ARID1B: variants seen among roughly 807,000 people sequenced by gnomAD.
ARID1B encodes the protein AT-rich interactive domain-containing protein 1B.
A neutral mutation model predicts 212.3 loss-of-function variants in ARID1B; 30 were observed. The ratio of observed to expected loss-of-function variants is 0.14; its 90% CI spans 0.11 to 0.19. The LOEUF (loss-of-function observed/expected upper bound fraction) is 0.19, where lower values mean the gene tolerates loss of function less well. ARID1B is among the 10% of genes least tolerant of loss of function. ARID1B has a pLI of 1.00. For missense variants in ARID1B, 2,891 were observed against 3,204.0 expected (o/e 0.90, Z 2.36); for synonymous variants, 1,402 against 1,301.7 (o/e 1.08, Z -1.66).
At chr6:157,180,888 G>T in intron 11 of ARID1B, 81 bp from the exon 12 acceptor site, 1 of 1,163,904 alleles carries the variant, frequency 8.6e-7, no homozygotes. Context: ...GTATTTGTTA[G>T]CTCATTACTT....
Position 156,779,392 on chromosome 6 carries a change from C to G in ARID1B, c.1712C>G (p.Pro571Arg), listed in dbSNP as rs769085274. 7.5e-5 allele frequency: 107 copies of G among 1,420,918 alleles called. No homozygotes were observed. Among genetic ancestry groups the G allele is most frequent in the Non-Finnish European group, 9.7e-5 (105 of 1,082,162 alleles). 88.0% of individuals were successfully genotyped at this position (1,420,918 alleles called of 1,614,324 possible). A position where few individuals can be genotyped will look rare whatever the true frequency, so the allele number is the denominator to read the frequency against. ...DMGAQYAAAS[P>R]AWAAAQQRSH... Reference sequence around the variant, plus strand: ...GGCGCCCAGTACGCCGCTGCCAGCCCGGCCTGGGCGGCCGCGCAACAAAGG... The same window carrying G: ...GGCGCCCAGTACGCCGCTGCCAGCCGGGCCTGGGCGGCCGCGCAACAAAGG... Residue 571 changes from proline (P) to arginine (R), a missense_variant, in exon 1 of 20, where the codon CCG becomes CGG. Coordinates refer to ENST00000636930, the MANE Select transcript of ARID1B (RefSeq NM_001374828.1).
intron 3 of ARID1B, among the ~76,000 whole-genome samples, chr6:156,910,495 A>G (rs1789783917): frequency 6.6e-6 from 1 of 151,918 alleles, no homozygotes. Context: ...CCTGTTCTCG[A>G]ATAGTTGTCA....
chr6:157,020,290 G>T (rs1476228875), intron 4 of ARID1B, among the ~76,000 whole-genome samples: 3 of 152,112 alleles, frequency 2.0e-5, no homozygotes, highest in Non-Finnish European at 2.9e-5. Context: ...TAACCTTGTA[G>T]ATAACATCAT....
At chr6:156,858,528 G>A (rs1326268915) in intron 2 of ARID1B, among the ~76,000 whole-genome samples, 1 of 152,190 alleles carries the variant, frequency 6.6e-6, no homozygotes, top group Non-Finnish European at 1.5e-5. Flanking sequence ...CACTTTGGGA[G>A]GCCACGGTGG....
chr6:156,961,290 G>C (rs956047966), intron 4 of ARID1B, among the ~76,000 whole-genome samples: 1 of 152,224 alleles, frequency 6.6e-6, no homozygotes, highest in African/African-American at 2.4e-5. Context: ...ACAGGCCTCC[G>C]TGCAGACTGT....
intron 4 of ARID1B, among the ~76,000 whole-genome samples, chr6:157,021,982 C>G (rs181516935): frequency 6.6e-6 from 1 of 152,240 alleles, no homozygotes; most frequent in Non-Finnish European, 1.5e-5. Flanking sequence ...TGGTGCATCT[C>G]TTTCCCCCTC....
At chr6:156,840,514 A>C (rs751482315) in intron 2 of ARID1B, among the ~76,000 whole-genome samples, 1 of 152,002 alleles carries the variant, frequency 6.6e-6, no homozygotes, top group Non-Finnish European at 1.5e-5. Context: ...CGAATCCTAG[A>C]CTCTGGCCAG....
chr6:156,885,969 T>A (rs1188574925), intron 2 of ARID1B, among the ~76,000 whole-genome samples: 1 of 152,190 alleles, frequency 6.6e-6, no homozygotes, highest in East Asian at 1.9e-4. Flanking sequence ...TAAACTTTTT[T>A]TGAGTACTGA....
intron 9 of ARID1B, chr6:157,172,790 G>A (rs1791808650): frequency 6.6e-6 from 1 of 151,888 alleles, no homozygotes; most frequent in African/African-American, 2.4e-5. Flanking sequence ...AATCTGCGGA[G>A]CCTTTTTTAA....
intron 1 of ARID1B, among the ~76,000 whole-genome samples, chr6:156,799,515 G>C (rs1780630616): frequency 6.6e-6 from 1 of 152,192 alleles, no homozygotes; most frequent in African/African-American, 2.4e-5. Context: ...GTCTTGCTCT[G>C]TTGCACAGGC....
At chr6:156,994,873 G>A (rs964225868) in intron 4 of ARID1B, among the ~76,000 whole-genome samples, 11 of 152,344 alleles carry the variant, frequency 7.2e-5, no homozygotes, top group African/African-American at 2.6e-4. Flanking sequence ...GGTGTCACTA[G>A]CTCTCCCAGC....
chr6:157,050,461 T>C (rs1782526232), intron 4 of ARID1B, among the ~76,000 whole-genome samples: 1 of 152,120 alleles, frequency 6.6e-6, no homozygotes, highest in Admixed American at 6.6e-5. Flanking sequence ...GGAGAATTGC[T>C]TGAACCCAGG....
At chr6:156,812,607 A>G (rs926152166) in intron 1 of ARID1B, among the ~76,000 whole-genome samples, 5 of 152,302 alleles carry the variant, frequency 3.3e-5, no homozygotes, top group Non-Finnish European at 5.9e-5. Flanking sequence ...AGTTTAAACA[A>G]TGTTGAATGA....
chr6:156,805,822 C>T (rs11966232), intron 1 of ARID1B, among the ~76,000 whole-genome samples: 2,258 of 152,042 alleles, frequency 0.015, 58 homozygotes, highest in African/African-American at 0.048. Context: ...ATCACAGATG[C>T]GCACTGCCAC....
At chr6:156,781,537 T>TA (rs1779268051) in intron 1 of ARID1B, among the ~76,000 whole-genome samples, 1 of 152,152 alleles carries the variant, frequency 6.6e-6, no homozygotes, top group South Asian at 2.1e-4. Flanking sequence ...AATCATACCT[T>TA]AGAGACTTGT....
rs587779740 is a variant in ARID1B at position 156,779,304 on chromosome 6, G to C, written c.1624G>C (p.Ala542Pro). ...PPSQPQSQAA[A>P]AGAAAGGQQA... ...GTCGCAGCCCCAGTCCCAGGCGGCGGCGGCGGGGGCGGCGGCGGGCGGCCA... is the reference window on the plus strand; with the variant it reads ...GTCGCAGCCCCAGTCCCAGGCGGCGCCGGCGGGGGCGGCGGCGGGCGGCCA... The change falls in exon 1 of 20, where the codon GCG becomes CCG. Residue 542 changes from alanine (A) to proline (P), a missense_variant. Ala to Pro is a conservative substitution (Grantham distance 27). Coordinates refer to ENST00000636930, the MANE Select transcript of ARID1B (RefSeq NM_001374828.1). 8.8e-7 allele frequency: 1 copy of C among 1,136,490 alleles called. No homozygotes were observed. The highest frequency in any genetic ancestry group is 1.7e-5 in the African/African-American group (1 of 59,756). 70.4% of individuals were successfully genotyped at this position (1,136,490 alleles called of 1,614,324 possible).
intron 4 of ARID1B, among the ~76,000 whole-genome samples, chr6:157,068,691 T>G (rs1783829596): frequency 6.6e-6 from 1 of 152,234 alleles, no homozygotes; most frequent in Non-Finnish European, 1.5e-5. Context: ...GATCATCATA[T>G]GCTTACATAG....
At chr6:156,843,597 A>AG (rs931160482) in intron 2 of ARID1B, among the ~76,000 whole-genome samples, 12 of 152,110 alleles carry the variant, frequency 7.9e-5, no homozygotes, top group African/African-American at 2.2e-4. Flanking sequence ...ACAGGAATGT[A>AG]GGGGGGGTGT....
intron 10 of ARID1B, 62 bp from the exon 11 acceptor site, chr6:157,174,785 T>A: frequency 7.5e-7 from 1 of 1,327,144 alleles, no homozygotes; most frequent in South Asian, 2.0e-5. Context: ...GTACTTTTTG[T>A]TATTTTAAAT....
Sources: gnomAD v4.1 joint callset for allele counts (sites outside exome capture counted in the v4.1 genomes callset) on GRCh38, gnomAD v4.1.1 for gene constraint, MANE v1.5 for transcripts, NCBI Gene and HGNC (gene_info 2026-07-23, HGNC 2026-07-21) for gene names.